RALYL: variants seen among roughly 807,000 people sequenced by gnomAD.
RALYL encodes the protein RALY RNA binding protein like, also known as RNA-binding Raly-like protein.
A neutral mutation model predicts 35.1 loss-of-function variants in RALYL; 29 were observed. That is an observed-to-expected ratio of 0.83 (90% CI 0.61 to 1.13). The LOEUF (loss-of-function observed/expected upper bound fraction) is 1.13. Ranked by LOEUF, RALYL falls within the 50% of genes most tolerant of loss-of-function variation. The pLI is 0.00. For synonymous variants in RALYL, 120 were observed against 127.6 expected (o/e 0.94, Z 0.40); for missense variants, 359 against 360.4 (o/e 1.00, Z 0.03).
At chr8:84,504,904 G>T (rs2057032480) in intron 1 of RALYL, among the ~76,000 whole-genome samples, 1 of 152,132 alleles carries the variant, frequency 6.6e-6, no homozygotes, top group Non-Finnish European at 1.5e-5. Flanking sequence ...CAAGCTGGGA[G>T]ATTGAAAAAG....
intron 2 of RALYL, among the ~76,000 whole-genome samples, chr8:84,665,044 G>A (rs752751228): frequency 6.6e-6 from 1 of 152,114 alleles, no homozygotes; most frequent in African/African-American, 2.4e-5. Context: ...AAGGGATGTT[G>A]AATTTTATTG....
At chr8:84,534,326 G>T (rs1452539420) in intron 2 of RALYL, among the ~76,000 whole-genome samples, 1 of 152,178 alleles carries the variant, frequency 6.6e-6, no homozygotes, top group African/African-American at 2.4e-5. Flanking sequence ...TCATTCTTCA[G>T]ATCTCAAATG....
chr8:84,851,622 T>G (rs1426242493), intron 5 of RALYL, among the ~76,000 whole-genome samples: 1 of 152,218 alleles, frequency 6.6e-6, no homozygotes, highest in Non-Finnish European at 1.5e-5. Context: ...GAAGTAACTG[T>G]GATCCTTGAA....
At chr8:84,484,319 G>A (rs924977117) in intron 1 of RALYL, among the ~76,000 whole-genome samples, 1 of 152,066 alleles carries the variant, frequency 6.6e-6, no homozygotes, top group East Asian at 1.9e-4. Context: ...CAGAGTTCTT[G>A]AAAGTAGAGT....
intron 4 of RALYL, among the ~76,000 whole-genome samples, chr8:84,839,287 A>G (rs1832686998): frequency 6.6e-6 from 1 of 152,204 alleles, no homozygotes; most frequent in Admixed American, 6.5e-5. Context: ...GCGCTTTTCC[A>G]ATGGTCTTAG....
chr8:84,696,840 T>C (rs925786930), intron 2 of RALYL, among the ~76,000 whole-genome samples: 2 of 152,038 alleles, frequency 1.3e-5, no homozygotes, highest in Non-Finnish European at 2.9e-5. Flanking sequence ...ATTCAAATAG[T>C]TGTCTTTGAA....
At chr8:84,814,746 A>T (rs1340257564) in intron 4 of RALYL, among the ~76,000 whole-genome samples, 2 of 152,250 alleles carry the variant, frequency 1.3e-5, no homozygotes, top group African/African-American at 4.8e-5. Flanking sequence ...TATATATGAT[A>T]TAAAAAGAAC....
chr8:84,413,370 AAGT>A (rs1353359544), intron 1 of RALYL, among the ~76,000 whole-genome samples: 3 of 151,646 alleles, frequency 2.0e-5, no homozygotes, highest in African/African-American at 7.2e-5. Context: ...ATTTGGGAAA[AAGT>A]AGGTGTTAGT....
At chr8:84,794,344 ACT>A (rs954332340) in intron 3 of RALYL, among the ~76,000 whole-genome samples, 5 of 152,102 alleles carry the variant, frequency 3.3e-5, no homozygotes, top group Admixed American at 6.5e-5. Context: ...AAACTGGATA[ACT>A]CTGACTGATT....
intron 2 of RALYL, among the ~76,000 whole-genome samples, chr8:84,550,253 C>T (rs1390576862): frequency 6.6e-6 from 1 of 152,016 alleles, no homozygotes; most frequent in Non-Finnish European, 1.5e-5. Flanking sequence ...TTCTCCTTTT[C>T]CTTTAGCTTC....
At chr8:84,456,862 G>A (rs1297483427) in intron 1 of RALYL, among the ~76,000 whole-genome samples, 1 of 151,920 alleles carries the variant, frequency 6.6e-6, no homozygotes, top group Non-Finnish European at 1.5e-5. Flanking sequence ...ATTTAACTCT[G>A]ACAAAGATAC....
intron 4 of RALYL, among the ~76,000 whole-genome samples, chr8:84,813,346 CA>C (rs1826353487): frequency 6.6e-6 from 1 of 152,146 alleles, no homozygotes; most frequent in South Asian, 2.1e-4. Flanking sequence ...TTCATTCTTG[CA>C]GTTGATCTGG....
At chr8:84,747,859 C>A (rs1485360649) in intron 2 of RALYL, among the ~76,000 whole-genome samples, 1 of 151,784 alleles carries the variant, frequency 6.6e-6, no homozygotes, top group African/African-American at 2.4e-5. Context: ...CCACACCCCC[C>A]AAAAAAATAA....
At chr8:84,491,143 C>A (rs2055250544) in intron 1 of RALYL, among the ~76,000 whole-genome samples, 1 of 151,878 alleles carries the variant, frequency 6.6e-6, no homozygotes. Context: ...AATACAAATA[C>A]TTTTGAAATT....
chr8:84,400,624 G>T (rs955674303), intron 1 of RALYL, among the ~76,000 whole-genome samples: 5 of 152,160 alleles, frequency 3.3e-5, no homozygotes, highest in Admixed American at 3.3e-4. Flanking sequence ...TTTATATTTT[G>T]TAGGTGATTG....
intron 3 of RALYL, among the ~76,000 whole-genome samples, chr8:84,792,589 G>A (rs941109135): frequency 2.0e-5 from 3 of 152,120 alleles, no homozygotes; most frequent in Non-Finnish European, 4.4e-5. Context: ...CAGGCTTAAG[G>A]GTGGGCCCTT....
intron 2 of RALYL, among the ~76,000 whole-genome samples, chr8:84,678,206 A>G (rs1834607415): frequency 6.6e-6 from 1 of 152,090 alleles, no homozygotes. Context: ...TTTATGAATT[A>G]CTTCCTATAA....
intron 4 of RALYL, among the ~76,000 whole-genome samples, chr8:84,832,141 A>G (rs1831055317): frequency 6.6e-6 from 1 of 152,070 alleles, no homozygotes; most frequent in African/African-American, 2.4e-5. Flanking sequence ...AATATTCCCC[A>G]CTTGTTTTTG....
chr8:84,301,229 G>A (rs1840716443), intron 1 of RALYL, among the ~76,000 whole-genome samples: 1 of 152,006 alleles, frequency 6.6e-6, no homozygotes, highest in African/African-American at 2.4e-5. Flanking sequence ...CTCACTTGTA[G>A]GATTCCTGAT....
Sources: allele counts gnomAD v4.1 joint callset (sites outside exome capture counted in the v4.1 genomes callset), GRCh38; gene constraint gnomAD v4.1.1; transcripts MANE v1.5; gene names NCBI Gene and HGNC (gene_info 2026-07-23, HGNC 2026-07-21).